The following CAMKMT variants were observed in gnomAD, a reference collection of about 807,000 sequenced individuals.
CAMKMT encodes the protein CaM KMT.
In CAMKMT, 53 loss-of-function variants were observed where a neutral mutation model predicts 48.0. The observed-to-expected ratio is 1.10, with a 90% CI of 0.89 to 1.39. The LOEUF is 1.39. Ranked by LOEUF, CAMKMT falls within the 40% of genes most tolerant of loss-of-function variation. The pLI, the probability that CAMKMT is intolerant of heterozygous loss-of-function variation, is 0.00. For synonymous variants in CAMKMT, 165 were observed against 152.3 expected, an observed-to-expected ratio of 1.08 and a Z score of -0.61; for missense variants, 428 against 402.7, an observed-to-expected ratio of 1.06 and a Z score of -0.54.
chr2:44,737,189 T>C (rs1015601951), intron 7 of CAMKMT, among the ~76,000 whole-genome samples: 1 of 152,058 alleles, frequency 6.6e-6, no homozygotes, highest in Non-Finnish European at 1.5e-5. Context: ...AATCACAGCT[T>C]ACTACAGCTT....
At chr2:44,631,418 T>TA (rs1014383503) in intron 3 of CAMKMT, 43 of 540,210 alleles carry the variant, frequency 8.0e-5, no homozygotes, top group Middle Eastern at 4.8e-4. Context: ...GTAATAATAA[T>TA]AAAAAAGAAA....
At chr2:44,525,621 T>G (rs72790055) in intron 3 of CAMKMT, among the ~76,000 whole-genome samples, 6 of 152,336 alleles carry the variant, frequency 3.9e-5, no homozygotes, top group Non-Finnish European at 7.3e-5. Context: ...TGTTTCTAGT[T>G]TTTTGAGTAT....
chr2:44,697,187 C>G (rs553683317), intron 3 of CAMKMT, among the ~76,000 whole-genome samples: 1 of 152,260 alleles, frequency 6.6e-6, no homozygotes, highest in East Asian at 1.9e-4. Flanking sequence ...AAATTACCCA[C>G]TGAATCATGC....
At chr2:44,720,178 G>A (rs1678389530) in intron 7 of CAMKMT, among the ~76,000 whole-genome samples, 1 of 152,112 alleles carries the variant, frequency 6.6e-6, no homozygotes, top group Non-Finnish European at 1.5e-5. Context: ...TATCCTTTTT[G>A]TATTAAAATG....
chr2:44,433,417 GT>G (rs1454183650), intron 3 of CAMKMT, among the ~76,000 whole-genome samples: 1 of 151,850 alleles, frequency 6.6e-6, no homozygotes, highest in Non-Finnish European at 1.5e-5. Context: ...TCAAATCCAA[GT>G]TGTCAATGAT....
intron 3 of CAMKMT, among the ~76,000 whole-genome samples, chr2:44,682,338 T>TA (rs368742771): frequency 1.2e-4 from 19 of 152,368 alleles, no homozygotes; most frequent in African/African-American, 4.3e-4. Flanking sequence ...TCTTATCCAG[T>TA]GCTCCTACTT....
At chr2:44,514,535 G>A (rs1308462604) in intron 3 of CAMKMT, among the ~76,000 whole-genome samples, 1 of 152,102 alleles carries the variant, frequency 6.6e-6, no homozygotes, top group Non-Finnish European at 1.5e-5. Flanking sequence ...GGCAAAAGAG[G>A]GAATGCTACA....
intron 3 of CAMKMT, among the ~76,000 whole-genome samples, chr2:44,541,397 C>G (rs182990337): frequency 7.2e-5 from 11 of 152,262 alleles, no homozygotes; most frequent in East Asian, 1.9e-4. Flanking sequence ...AAATTTTCCT[C>G]ACTTAGGTTT....
At chr2:44,504,913 A>G (rs1670183016) in intron 3 of CAMKMT, among the ~76,000 whole-genome samples, 1 of 152,176 alleles carries the variant, frequency 6.6e-6, no homozygotes, top group Non-Finnish European at 1.5e-5. Context: ...GCATGGCACC[A>G]GCATCTGCTT....
At chr2:44,528,478 C>G (rs944250711) in intron 3 of CAMKMT, among the ~76,000 whole-genome samples, 1 of 152,014 alleles carries the variant, frequency 6.6e-6, no homozygotes, top group Non-Finnish European at 1.5e-5. Flanking sequence ...ATAGATATAT[C>G]ATTTTATTTG....
intron 3 of CAMKMT, among the ~76,000 whole-genome samples, chr2:44,484,120 C>A (rs1422278311): frequency 6.6e-6 from 1 of 151,652 alleles, no homozygotes; most frequent in Non-Finnish European, 1.5e-5. Flanking sequence ...CCAAAATGAT[C>A]TGAAGCCATT....
At chr2:44,520,126 G>A (rs1449571309) in intron 3 of CAMKMT, among the ~76,000 whole-genome samples, 1 of 151,994 alleles carries the variant, frequency 6.6e-6, no homozygotes, top group African/African-American at 2.4e-5. Context: ...GGCTGAGGCA[G>A]GAGAATGGCG....
At chr2:44,612,695 C>T (rs1671665320) in intron 3 of CAMKMT, among the ~76,000 whole-genome samples, 1 of 152,116 alleles carries the variant, frequency 6.6e-6, no homozygotes, top group African/African-American at 2.4e-5. Context: ...TGGCCAAATG[C>T]AGATGAAAGG....
At chr2:44,545,023 C>G (rs1031991722) in intron 3 of CAMKMT, among the ~76,000 whole-genome samples, 2 of 152,178 alleles carry the variant, frequency 1.3e-5, no homozygotes, top group African/African-American at 2.4e-5. Flanking sequence ...CTGGTCCAAA[C>G]AGCAAATTTT....
At chr2:44,549,638 A>T in intron 3 of CAMKMT, 1 of 617,840 alleles carries the variant, frequency 1.6e-6, no homozygotes, top group South Asian at 1.9e-5. Flanking sequence ...AACTGCTCAT[A>T]TATTTAAGAA....
intron 3 of CAMKMT, among the ~76,000 whole-genome samples, chr2:44,411,979 ATTTTTTTTTTT>A (rs541645446): frequency 4.4e-5 from 4 of 91,836 alleles, no homozygotes; most frequent in Admixed American, 1.3e-4. Flanking sequence ...ATTCTCTTCA[ATTTTTTTTTTT>A]TTTTTTTTTT....
At chr2:44,519,547 G>C (rs1033841586) in intron 3 of CAMKMT, among the ~76,000 whole-genome samples, 1 of 152,090 alleles carries the variant, frequency 6.6e-6, no homozygotes, top group Non-Finnish European at 1.5e-5. Context: ...GAAGGATTAA[G>C]GATAATTTCA....
intron 3 of CAMKMT, among the ~76,000 whole-genome samples, chr2:44,443,006 G>A (rs1023585689): frequency 6.6e-5 from 10 of 151,972 alleles, no homozygotes; most frequent in East Asian, 1.9e-4. Context: ...TCTTCTTCCC[G>A]GCAGCACGTT....
At chr2:44,593,763 CTT>C (rs61603790) in intron 3 of CAMKMT, among the ~76,000 whole-genome samples, 7 of 122,672 alleles carry the variant, frequency 5.7e-5, no homozygotes, top group Non-Finnish European at 4.9e-5. Flanking sequence ...AGACAACTTC[CTT>C]TTTTTTTTTT....
Sources: allele counts gnomAD v4.1 joint callset (sites outside exome capture counted in the v4.1 genomes callset), GRCh38; gene constraint gnomAD v4.1.1; transcripts MANE v1.5; gene names NCBI Gene and HGNC (gene_info 2026-07-23, HGNC 2026-07-21).